ORC2: variants seen among roughly 807,000 people sequenced by gnomAD.
ORC2 encodes origin recognition complex subunit 2.
ORC2 carries 37 observed loss-of-function variants against 77.7 expected under a neutral mutation model. That is an observed-to-expected ratio of 0.48 (90% CI 0.37 to 0.63). The LOEUF is 0.63. Among genes scored for constraint, ORC2 ranks in the 20% least tolerant of loss-of-function variants. The pLI is 0.00. For synonymous variants in ORC2, 201 were observed against 229.5 expected (o/e 0.88, Z 1.12); for missense variants, 557 against 661.9 (o/e 0.84, Z 1.74).
intron 9 of ORC2, 142 bp downstream of exon 9, chr2:200,935,557 T>C: frequency 3.2e-6 from 2 of 633,576 alleles, no homozygotes; most frequent in East Asian, 2.9e-5. Flanking sequence ...CAAATATATG[T>C]GGGAATTTAT....
At chr2:200,963,436 G>A (rs957681866) in intron 1 of ORC2, 54 bp downstream of exon 1, 5 of 398,504 alleles carry the variant, frequency 1.3e-5, no homozygotes, top group Non-Finnish European at 1.8e-5. Context: ...CACCTCACAC[G>A]CCGCGAGCTA....
chr2:200,913,973 T>C lies in ORC2; in HGVS notation c.1486A>G (p.Ile496Val). ...PNARGIFRLL[I>V]KYQLDNQDNP... ...TCCTGGTTGTCCAGCTGGTATTTTA[T>C]TAGTAGCCTGAAAATTCCCCTAAAA... The change falls in exon 16 of 18, where the codon ATA becomes GTA. Residue 496 changes from isoleucine (I) to valine (V), a missense_variant. Physicochemically the swap from Ile to Val is conservative, Grantham distance 29. Transcript: ENST00000234296. The C allele has an allele frequency of 6.3e-7, 1 of 1,584,192 alleles. No individual in the cohort carries two copies. The highest frequency in any genetic ancestry group is 8.6e-7 in the Non-Finnish European group (1 of 1,169,136).
rs768882555 is a variant in ORC2, at chr2:200,911,373, T to C, written c.1662A>G (p.Val554=). Residue 554 remains valine (V), a synonymous_variant, in exon 18 of 18, where the codon GTA becomes GTG. Transcript: ENST00000234296. ...LIRTKKGTDG[V]EYLLIPVDNG... is the part of the protein sequence containing the mutation. ...TATCAACAGGAATTAATAAATACTCTACTCCATCAGTTCCCTGAAAGATTT... is the reference window on the plus strand; with the variant it reads ...TATCAACAGGAATTAATAAATACTCCACTCCATCAGTTCCCTGAAAGATTT... The C allele has an allele frequency of 1.9e-6, 3 of 1,591,596 alleles. No homozygotes were observed. The highest frequency in any genetic ancestry group is 2.6e-6 in the Non-Finnish European group (3 of 1,159,610).
Position 200,920,261 on chromosome 2 carries a change from G to C in ORC2, c.1427C>G (p.Ser476Cys), listed in dbSNP as rs758040424. Reference protein sequence around the residue: ...VKQSGSLPLSSLTHVLRSLTP... With the variant: ...VKQSGSLPLSCLTHVLRSLTP... ...AAGGCTTCGTAAGACATGAGTAAGGGAGCTAAGTGGCAGGGATCCAGACTG... is the reference window on the plus strand; with the variant it reads ...AAGGCTTCGTAAGACATGAGTAAGGCAGCTAAGTGGCAGGGATCCAGACTG... The change falls in exon 15 of 18, where the codon TCC becomes TGC. Residue 476 changes from serine to cysteine, a missense_variant. Ser to Cys is a moderately radical substitution (Grantham distance 112). Coordinates refer to ENST00000234296, the MANE Select transcript of ORC2 (RefSeq NM_006190.5). 6 of 1,613,808 alleles carry C rather than the reference G, an allele frequency of 3.7e-6. No individual in the cohort carries two copies. The South Asian group carries it at 6.6e-5, about 18-fold the overall frequency.
chr2:200,957,412 C>G lies in ORC2; in HGVS notation c.227G>C (p.Arg76Thr). Residue 76 changes from arginine (R) to threonine (T), a missense_variant, in exon 4 of 18, where the codon AGA (arginine) becomes ACA (threonine). Coordinates refer to ENST00000234296, the MANE Select transcript of ORC2 (RefSeq NM_006190.5). ...KDQNYVEIMG[R>T]DVQESLKNGS... ...ACCCCCTCAAATACCTTGAACATCT[C>G]TTCCCATAATTTCCACATAGTTCTG... 1 of 1,594,224 alleles carries G rather than the reference C, an allele frequency of 6.3e-7. No individual in the cohort carries two copies. Among genetic ancestry groups the G allele is most frequent in the East Asian group, 2.3e-5 (1 of 43,822 alleles).
intron 5 of ORC2, among the ~76,000 whole-genome samples, 173 bp downstream of exon 5, chr2:200,949,381 T>C (rs527675581): frequency 1.4e-4 from 21 of 152,150 alleles, no homozygotes; most frequent in Non-Finnish European, 3.1e-4. Context: ...ATGAACTTAA[T>C]TGTGCTTAAT....
At position 200,957,394 on chromosome 2, in the gene ORC2, C is replaced by A. The variant is rs558002611; in HGVS notation, c.238+7G>T. 1 of 1,569,032 alleles carries A rather than the reference C, an allele frequency of 6.4e-7. No homozygotes were observed. Among genetic ancestry groups the A allele is most frequent in the East Asian group, 2.4e-5 (1 of 42,340 alleles). ...GAAACGAGTGTATATTTCACCCCCTCAAATACCTTGAACATCTCTTCCCAT... is the reference window on the plus strand; with the variant it reads ...GAAACGAGTGTATATTTCACCCCCTAAAATACCTTGAACATCTCTTCCCAT... On this transcript the variant is annotated splice_region_variant and intron_variant, in intron 4 of 17. Coordinates refer to ENST00000234296, the MANE Select transcript of ORC2 (RefSeq NM_006190.5).
At chr2:200,925,611 C>T (rs1464201655) in intron 13 of ORC2, among the ~76,000 whole-genome samples, 5 of 152,118 alleles carry the variant, frequency 3.3e-5, no homozygotes, top group Admixed American at 3.3e-4. Flanking sequence ...TAATGGCACA[C>T]GCCTGTGATC....
chr2:200,954,888 GAATGAATGAATGAATGAATA>G (rs1166275884), intron 4 of ORC2, among the ~76,000 whole-genome samples: 1 of 123,274 alleles, frequency 8.1e-6, no homozygotes, highest in African/African-American at 3.1e-5. Flanking sequence ...TGTGAGGAAT[GAATGAATGAATGAATGAATA>G]AATAAATAAA....
intron 7 of ORC2, among the ~76,000 whole-genome samples, chr2:200,941,028 A>G (rs1486588276): frequency 3.3e-5 from 5 of 152,210 alleles, no homozygotes; most frequent in Non-Finnish European, 7.3e-5. Flanking sequence ...TTCATTTTCT[A>G]GCTGTTCTCC....
At chr2:200,936,781 C>T (rs1240439205) in intron 8 of ORC2, among the ~76,000 whole-genome samples, 1 of 152,140 alleles carries the variant, frequency 6.6e-6, no homozygotes, top group Non-Finnish European at 1.5e-5. Flanking sequence ...CAACCTCATC[C>T]CTACAACTCC....
chr2:200,944,516 C>T (rs1403813244), intron 5 of ORC2, among the ~76,000 whole-genome samples: 4 of 151,906 alleles, frequency 2.6e-5, no homozygotes, highest in Non-Finnish European at 5.9e-5. Flanking sequence ...GCAGACATTC[C>T]AACACCTCTT....
chr2:200,933,823 A>G (rs771683819), intron 10 of ORC2, 53 bp downstream of exon 10: 3 of 942,282 alleles, frequency 3.2e-6, no homozygotes, highest in Non-Finnish European at 5.0e-6. Context: ...TACGTAGCAT[A>G]TTTTTCAGGA....
intron 2 of ORC2, among the ~76,000 whole-genome samples, chr2:200,958,389 T>G (rs1166679004): frequency 6.6e-6 from 1 of 152,048 alleles, no homozygotes; most frequent in African/African-American, 2.4e-5. Flanking sequence ...TAAAATATAC[T>G]CAGAAAAATA....
intron 4 of ORC2, among the ~76,000 whole-genome samples, chr2:200,949,996 A>G (rs1217486738): frequency 6.6e-6 from 1 of 152,148 alleles, no homozygotes; most frequent in African/African-American, 2.4e-5. Flanking sequence ...AAAGATGAAA[A>G]GTACAATTGT....
At chr2:200,944,476 A>G (rs1204889781) in intron 5 of ORC2, among the ~76,000 whole-genome samples, 1 of 152,048 alleles carries the variant, frequency 6.6e-6, no homozygotes, top group East Asian at 1.9e-4. Flanking sequence ...CCCGGCTAAG[A>G]TAGTCATTTT....
intron 12 of ORC2, among the ~76,000 whole-genome samples, chr2:200,926,322 T>C (rs951150926): frequency 3.3e-5 from 5 of 152,230 alleles, no homozygotes; most frequent in African/African-American, 1.2e-4. Flanking sequence ...AAAGATTTCA[T>C]GTTCAAATGA....
intron 5 of ORC2, among the ~76,000 whole-genome samples, chr2:200,946,501 T>A (rs1035983213): frequency 2.0e-5 from 3 of 152,210 alleles, no homozygotes; most frequent in Non-Finnish European, 2.9e-5. Flanking sequence ...TTCCTGAAAT[T>A]TCATGGTCAT....
At chr2:200,927,842 G>A (rs1370125623) in intron 11 of ORC2, among the ~76,000 whole-genome samples, 17 of 150,402 alleles carry the variant, frequency 1.1e-4, no homozygotes, top group East Asian at 6.3e-4. Flanking sequence ...GATTACAGGC[G>A]CCCGCCACCA....
Sources: gnomAD v4.1 joint callset for allele counts (sites outside exome capture counted in the v4.1 genomes callset) on GRCh38, gnomAD v4.1.1 for gene constraint, MANE v1.5 for transcripts, NCBI Gene and HGNC (gene_info 2026-07-23, HGNC 2026-07-21) for gene names.